The following SLC16A2 variants were observed in gnomAD, a reference collection of about 807,000 sequenced individuals.
SLC16A2 encodes solute carrier family 16 member 2.
A neutral mutation model predicts 27.2 loss-of-function variants in SLC16A2; 3 were observed. That is an observed-to-expected ratio of 0.11 (90% CI 0.05 to 0.28). The LOEUF (loss-of-function observed/expected upper bound fraction) is 0.28. Ranked by LOEUF, SLC16A2 falls within the 10% of genes least tolerant of loss-of-function variation. The pLI is 1.00. For synonymous variants in SLC16A2, 202 were observed against 187.8 expected, an observed-to-expected ratio of 1.08 and a Z score of -0.62; for missense variants, 295 against 458.5, an observed-to-expected ratio of 0.64 and a Z score of 3.26.
chrX:74,509,121 C>T (rs1930183952), intron 1 of SLC16A2, among the ~76,000 whole-genome samples: 1 of 110,516 alleles, frequency 9.0e-6, no homozygotes, highest in African/African-American at 3.3e-5. Context: ...TGCCACCAGG[C>T]CTAGCTAATT....
intron 1 of SLC16A2, among the ~76,000 whole-genome samples, chrX:74,518,234 C>T (rs1930347151): frequency 8.9e-6 from 1 of 112,239 alleles, no homozygotes; most frequent in African/African-American, 3.2e-5. Flanking sequence ...TTTGCATTGC[C>T]ACCAGCAGCG....
chrX:74,528,492 C>A (rs1469639670), intron 4 of SLC16A2, among the ~76,000 whole-genome samples: 1 of 111,274 alleles, frequency 9.0e-6, no homozygotes, highest in Non-Finnish European at 1.9e-5. Context: ...GCTTCATTCT[C>A]CCTAGACATA....
chrX:74,485,662 A>T (rs1199296065), intron 1 of SLC16A2, among the ~76,000 whole-genome samples: 1 of 110,884 alleles, frequency 9.0e-6, no homozygotes, highest in Non-Finnish European at 1.9e-5. Context: ...CCATGCGGTG[A>T]GTGTTATAGC....
intron 1 of SLC16A2, among the ~76,000 whole-genome samples, chrX:74,447,683 TA>T (rs1202306753): frequency 2.7e-3 from 225 of 83,870 alleles, no homozygotes; most frequent in Admixed American, 2.7e-3. Flanking sequence ...TCTATGTATT[TA>T]AAAAAAAAAA....
chrX:74,492,890 C>T (rs1929857798), intron 1 of SLC16A2, among the ~76,000 whole-genome samples: 2 of 111,982 alleles, frequency 1.8e-5, no homozygotes, highest in Non-Finnish European at 3.8e-5. Context: ...GCACCTGCTC[C>T]TAGCAACCAG....
intron 5 of SLC16A2, among the ~76,000 whole-genome samples, chrX:74,530,604 T>A (rs1930553445): frequency 9.0e-6 from 1 of 111,538 alleles, no homozygotes; most frequent in Non-Finnish European, 1.9e-5. Context: ...GAAGGGGGCC[T>A]CTACTCACCC....
chrX:74,505,626 A>G (rs1444340198), intron 1 of SLC16A2, among the ~76,000 whole-genome samples: 2 of 112,139 alleles, frequency 1.8e-5, no homozygotes, highest in Non-Finnish European at 3.8e-5. Flanking sequence ...AGCCAACATT[A>G]GTGCTTGGCT....
chrX:74,481,822 T>A (rs1413505905), intron 1 of SLC16A2, among the ~76,000 whole-genome samples: 2 of 108,461 alleles, frequency 1.8e-5, no homozygotes, highest in Non-Finnish European at 3.8e-5. Flanking sequence ...TTTTTAAATT[T>A]TTTTATTGAG....
chrX:74,456,116 G>T (rs1481774374), intron 1 of SLC16A2, among the ~76,000 whole-genome samples: 1 of 112,175 alleles, frequency 8.9e-6, no homozygotes, highest in Non-Finnish European at 1.9e-5. Flanking sequence ...CATAAGTAGG[G>T]CTATCAGGGA....
intron 1 of SLC16A2, among the ~76,000 whole-genome samples, chrX:74,470,925 G>T (rs759660759): frequency 9.1e-6 from 1 of 110,421 alleles, no homozygotes; most frequent in African/African-American, 3.3e-5. Context: ...GCTACAGAGC[G>T]AGACTCCGTC....
chrX:74,445,484 C>T (rs754694095), intron 1 of SLC16A2, among the ~76,000 whole-genome samples: 4 of 108,117 alleles, frequency 3.7e-5, no homozygotes, highest in South Asian at 8.4e-4. Flanking sequence ...AGATAGAGAA[C>T]GATGTCTCAT....
intron 1 of SLC16A2, among the ~76,000 whole-genome samples, chrX:74,488,502 T>C (rs1389843796): frequency 8.9e-6 from 1 of 112,047 alleles, no homozygotes; most frequent in Non-Finnish European, 1.9e-5. Context: ...TTTAACCAAT[T>C]ATTTAGTTTT....
intron 1 of SLC16A2, among the ~76,000 whole-genome samples, chrX:74,507,361 C>G (rs1052787820): frequency 1.3e-4 from 14 of 111,449 alleles, no homozygotes; most frequent in African/African-American, 4.2e-4. Context: ...CGCATTTTTA[C>G]ATATGTAGAT....
intron 1 of SLC16A2, among the ~76,000 whole-genome samples, chrX:74,428,630 TC>T (rs1928466851): frequency 9.0e-6 from 1 of 110,660 alleles, no homozygotes; most frequent in South Asian, 3.9e-4. Flanking sequence ...CTTCCCCCTT[TC>T]CCCTTCCTTT....
chrX:74,524,785 C>T lies in SLC16A2; in HGVS notation c.1002C>T (p.Gly334=). 2.5e-6 allele frequency: 3 copies of T among 1,210,320 alleles called. No homozygotes were observed. Among genetic ancestry groups the T allele is most frequent in the Non-Finnish European group, 3.4e-6 (3 of 895,352 alleles). Residue 334 remains glycine, a synonymous_variant, in exon 3 of 6, where the codon GGC becomes GGT. Coordinates refer to ENST00000587091, the MANE Select transcript of SLC16A2 (RefSeq NM_006517.5). ...WAFGIAAAAL[G]YFVPYVHLMK... is the part of the protein sequence containing the mutation. ...TCGGAATTGCTGCTGCTGCCCTTGGCTACTTTGTTCCCTATGTACACCTGG... is the reference window on the plus strand; with the variant it reads ...TCGGAATTGCTGCTGCTGCCCTTGGTTACTTTGTTCCCTATGTACACCTGG...
intron 1 of SLC16A2, among the ~76,000 whole-genome samples, chrX:74,489,084 A>G (rs978885120): frequency 4.5e-5 from 5 of 111,735 alleles, no homozygotes; most frequent in East Asian, 2.8e-4. Context: ...GTTTACCTAG[A>G]TTATATACAA....
intron 1 of SLC16A2, among the ~76,000 whole-genome samples, chrX:74,519,559 C>A (rs1330707359): frequency 2.9e-5 from 3 of 103,665 alleles, no homozygotes; most frequent in African/African-American, 6.9e-5. Context: ...TAAAAACACA[C>A]AAAAAAATTA....
intron 1 of SLC16A2, among the ~76,000 whole-genome samples, chrX:74,459,723 A>C (rs764453192): frequency 9.0e-6 from 1 of 111,401 alleles, no homozygotes; most frequent in African/African-American, 3.3e-5. Context: ...AAACAATTGC[A>C]TCTGACACTC....
chrX:74,499,469 T>TC (rs1303519365), intron 1 of SLC16A2, among the ~76,000 whole-genome samples: 3 of 108,075 alleles, frequency 2.8e-5, no homozygotes, highest in African/African-American at 1.0e-4. Flanking sequence ...TTTTTTTTTT[T>TC]TCCAGATAGA....
Sources: gnomAD v4.1 joint callset for allele counts (sites outside exome capture counted in the v4.1 genomes callset) on GRCh38, gnomAD v4.1.1 for gene constraint, MANE v1.5 for transcripts, NCBI Gene and HGNC (gene_info 2026-07-23, HGNC 2026-07-21) for gene names.